Variants in ATP9A observed in about 807,000 individuals in gnomAD.
The protein encoded by ATP9A is probable phospholipid-transporting ATPase IIA.
In ATP9A, 52 loss-of-function variants were observed where a neutral mutation model predicts 144.1. The observed-to-expected ratio is 0.36, with a 90% CI of 0.29 to 0.45. The LOEUF (loss-of-function observed/expected upper bound fraction) is 0.45, where lower values mean the gene tolerates loss of function less well. Among genes scored for constraint, ATP9A ranks in the 20% least tolerant of loss-of-function variants. The pLI is 1.00. For synonymous variants in ATP9A, 582 were observed against 557.4 expected, an observed-to-expected ratio of 1.04 and a Z score of -0.62; for missense variants, 947 against 1,392.7, an observed-to-expected ratio of 0.68 and a Z score of 5.09.
intron 3 of ATP9A, among the ~76,000 whole-genome samples, chr20:51,713,608 T>C (rs1472293222): frequency 6.6e-6 from 1 of 152,224 alleles, no homozygotes; most frequent in Admixed American, 6.5e-5. Flanking sequence ...GTAGGAAATC[T>C]TAATCTTTAC....
chr20:51,747,114 T>C (rs2122897404), intron 1 of ATP9A, among the ~76,000 whole-genome samples: 1 of 144,314 alleles, frequency 6.9e-6, no homozygotes, highest in East Asian at 1.9e-4. Context: ...TTTTTTTTTT[T>C]TCCTGTTTAA....
intron 14 of ATP9A, among the ~76,000 whole-genome samples, chr20:51,640,854 C>T (rs2077315845): frequency 6.6e-6 from 1 of 152,070 alleles, no homozygotes; most frequent in Non-Finnish European, 1.5e-5. Context: ...GGGACTAGGG[C>T]CAGGGTGGAT....
rs143513850 is a variant in ATP9A at position 51,698,474 on chromosome 20, G to A, written c.437-992C>T. ...CAGGAGATAGAGGCTGCAGTGAGCC[G>A]TGATCATGTCACTCCGGCCTGGGCA... On this transcript the variant is annotated intron_variant, in intron 4 of 27. Coordinates refer to ENST00000338821, the MANE Select transcript of ATP9A (RefSeq NM_006045.3). Among the ~76,000 whole-genome samples, 54 of 152,300 alleles carry A rather than the reference G, an allele frequency of 3.5e-4. No homozygotes were observed. The East Asian group carries it at 7.3e-3, about 21-fold the overall frequency.
At chr20:51,687,775 A>AATGAATGAATGAATGAATGAATG (rs1555836824) in intron 9 of ATP9A, among the ~76,000 whole-genome samples, 3 of 147,460 alleles carry the variant, frequency 2.0e-5, no homozygotes, top group Non-Finnish European at 4.5e-5. Context: ...AAAAAAAAAA[A>AATGAATGAATGAATGAATGAATG]AATGAATGAA....
At chr20:51,766,919 T>C (rs547240474) in intron 1 of ATP9A, among the ~76,000 whole-genome samples, 13 of 151,752 alleles carry the variant, frequency 8.6e-5, no homozygotes, top group African/African-American at 3.1e-4. Flanking sequence ...GGTCAGACAA[T>C]CCGGAGTTCA....
intron 14 of ATP9A, among the ~76,000 whole-genome samples, chr20:51,642,057 G>A (rs886928949): frequency 6.6e-6 from 1 of 152,022 alleles, no homozygotes; most frequent in Non-Finnish European, 1.5e-5. Context: ...TGGGAATAAA[G>A]TGACAGCTTG....
chr20:51,729,715 A>C (rs2077731711), intron 2 of ATP9A, 119 bp downstream of exon 2: 1 of 1,222,884 alleles, frequency 8.2e-7, no homozygotes, highest in African/African-American at 1.6e-5. Context: ...ACTGCACTCC[A>C]GCCTGGGCGA....
chr20:51,721,941 A>C (rs2077691495), intron 3 of ATP9A, among the ~76,000 whole-genome samples: 1 of 152,228 alleles, frequency 6.6e-6, no homozygotes, highest in Non-Finnish European at 1.5e-5. Context: ...TTCAAGCTCT[A>C]CTATAAGGCC....
intron 14 of ATP9A, among the ~76,000 whole-genome samples, chr20:51,655,758 T>C (rs1056745747): frequency 2.6e-5 from 4 of 152,016 alleles, no homozygotes; most frequent in Admixed American, 2.6e-4. Context: ...AGTCACCATA[T>C]GACATTGCCA....
intron 21 of ATP9A, among the ~76,000 whole-genome samples, 166 bp from the exon 22 acceptor site, chr20:51,617,720 C>T (rs557807245): frequency 6.6e-6 from 1 of 152,342 alleles, no homozygotes; most frequent in East Asian, 1.9e-4. Context: ...GATCCTGTTT[C>T]ACAGGCAGAG....
rs1180425403 is a variant in ATP9A at position 51,764,337 on chromosome 20, T to C, written c.68+3965A>G. 4.6e-5 allele frequency among the ~76,000 whole-genome samples: 7 copies of C among 152,224 alleles called. No individual in the cohort carries two copies. In the East Asian group the frequency reaches 1.3e-3, roughly 29 times the overall value. Reference sequence around the variant, plus strand: ...TCCATTCAGCCATAAGCAAAGGGCATGATGTCATAAAATGGTTTCCAGCAA... The same window carrying C: ...TCCATTCAGCCATAAGCAAAGGGCACGATGTCATAAAATGGTTTCCAGCAA... On this transcript the variant is annotated intron_variant, in intron 1 of 27. Transcript: ENST00000338821.
At chr20:51,735,375 G>C (rs2077759000) in intron 1 of ATP9A, among the ~76,000 whole-genome samples, 1 of 146,504 alleles carries the variant, frequency 6.8e-6, no homozygotes, top group South Asian at 2.4e-4. Context: ...AATAACACTG[G>C]CTCCCTTTCA....
chr20:51,681,948 C>G (rs1409331873), intron 9 of ATP9A, among the ~76,000 whole-genome samples: 2 of 152,040 alleles, frequency 1.3e-5, no homozygotes, highest in Non-Finnish European at 2.9e-5. Flanking sequence ...TTTCAGTAGC[C>G]AAGGTGGTGG....
intron 1 of ATP9A, among the ~76,000 whole-genome samples, chr20:51,730,429 C>A (rs1401446177): frequency 1.3e-5 from 2 of 152,236 alleles, no homozygotes; most frequent in East Asian, 3.8e-4. Context: ...GATCGCACCA[C>A]TGCACTCCAG....
At chr20:51,753,060 C>T (rs1385894914) in intron 1 of ATP9A, among the ~76,000 whole-genome samples, 1 of 151,322 alleles carries the variant, frequency 6.6e-6, no homozygotes, top group Non-Finnish European at 1.5e-5. Context: ...CAGGATGGCG[C>T]CATTGCACTC....
At chr20:51,673,427 C>G (rs2077464418) in intron 11 of ATP9A, among the ~76,000 whole-genome samples, 1 of 152,114 alleles carries the variant, frequency 6.6e-6, no homozygotes, top group South Asian at 2.1e-4. Flanking sequence ...ATCAGGTAGG[C>G]AAAGGACTGG....
At chr20:51,607,646 C>T in intron 25 of ATP9A, 62 bp from the exon 26 acceptor site, 1 of 1,341,394 alleles carries the variant, frequency 7.5e-7, no homozygotes, top group Non-Finnish European at 1.1e-6. Context: ...AGCATGCCAT[C>T]AGCTTTCACG....
intron 8 of ATP9A, among the ~76,000 whole-genome samples, chr20:51,690,348 A>T (rs1273551151): frequency 6.6e-6 from 1 of 151,988 alleles, no homozygotes; most frequent in African/African-American, 2.4e-5. Flanking sequence ...TGAACCCGGG[A>T]GACGGAGCCT....
intron 1 of ATP9A, among the ~76,000 whole-genome samples, chr20:51,755,161 G>A (rs1359914380): frequency 6.6e-6 from 1 of 151,288 alleles, no homozygotes; most frequent in Non-Finnish European, 1.5e-5. Context: ...TTATTGGCTG[G>A]GCGTGATGGC....
Sources: allele counts gnomAD v4.1 joint callset (sites outside exome capture counted in the v4.1 genomes callset), GRCh38; gene constraint gnomAD v4.1.1; transcripts MANE v1.5; gene names NCBI Gene and HGNC (gene_info 2026-07-23, HGNC 2026-07-21).